Variants in ARHGEF25 observed in about 807,000 individuals in gnomAD.
ARHGEF25 encodes Rho guanine nucleotide exchange factor 25.
In ARHGEF25, 42 loss-of-function variants were observed where a neutral mutation model predicts 74.0. The observed-to-expected ratio is 0.57, with a 90% CI of 0.44 to 0.73. The LOEUF is 0.73. Among genes scored for constraint, ARHGEF25 ranks in the 30% least tolerant of loss-of-function variants. The pLI is 0.00. For synonymous variants in ARHGEF25, 293 were observed against 278.6 expected, an observed-to-expected ratio of 1.05 and a Z score of -0.51; for missense variants, 645 against 725.5, an observed-to-expected ratio of 0.89 and a Z score of 1.27.
At chr12:57,610,282 G>A (rs1001378807), upstream of ARHGEF25, 2 of 1,580,444 alleles carry the variant, frequency 1.3e-6, no homozygotes, top group African/African-American at 2.7e-5. Flanking sequence ...TGGGGGGCAT[G>A]CTGCGCGCAT....
At chr12:57,612,842 T>C in intron 1 of ARHGEF25, 88 bp from the exon 2 acceptor site, 1 of 1,534,620 alleles carries the variant, frequency 6.5e-7, no homozygotes, top group South Asian at 1.3e-5. Context: ...CTGAGCATCA[T>C]GAAGAGAAGA....
In ARHGEF25 at chr12:57,614,459, G is replaced by A; in HGVS notation, c.727-57G>A. 6.2e-7 allele frequency: 1 copy of A among 1,613,894 alleles called. No individual in the cohort carries two copies. The highest frequency in any genetic ancestry group is 8.5e-7 in the Non-Finnish European group (1 of 1,179,874). ...CTTAGGAATGGGCTGGGATTCTCTGGAGATGCGTCCTCCCTCCTTGCCCAC... is the reference window on the plus strand; with the variant it reads ...CTTAGGAATGGGCTGGGATTCTCTGAAGATGCGTCCTCCCTCCTTGCCCAC... On this transcript the variant is annotated intron_variant, in intron 7 of 14. Transcript: ENST00000286494. The surrounding 1 kb of genome is among the most constrained non-coding windows in gnomAD (Gnocchi z 4.6).
At position 57,613,058 on chromosome 12, in the gene ARHGEF25, A is replaced by T. The variant is rs781496619; in HGVS notation, c.226A>T (p.Ser76Cys). Residue 76 changes from serine (S) to cysteine (C), a missense_variant, in exon 2 of 15, where the codon AGT becomes TGT. Physicochemically the swap from Ser to Cys is moderately radical, Grantham distance 112. Around this residue, in one of 3 missense-constraint regions of ARHGEF25, gnomAD observed 189 missense variants for 199.1 expected, o/e 0.95. Coordinates refer to ENST00000286494, the MANE Select transcript of ARHGEF25 (RefSeq NM_182947.4). Reference protein sequence around the residue: ...PCSPGPPGPVSGLRRWLDHSK... With the variant: ...PCSPGPPGPVCGLRRWLDHSK... ...TTCCCCAGGCCCCCCAGGGCCCGTC[A>T]GTGGCCTGAGGAGATGGTTGGATCA... 1 of 1,614,126 alleles carries T rather than the reference A, an allele frequency of 6.2e-7. No homozygotes were observed. The highest frequency in any genetic ancestry group is 2.2e-5 in the East Asian group (1 of 44,882).
chr12:57,616,346 A>G lies in ARHGEF25; in HGVS notation c.1483A>G (p.Arg495Gly). Residue 495 changes from arginine to glycine, a missense_variant, in exon 14 of 15, where the codon AGA (arginine) becomes GGA (glycine). Physicochemically the swap from Arg to Gly is moderately radical, Grantham distance 125 (BLOSUM62 -2). Coordinates refer to ENST00000286494, the MANE Select transcript of ARHGEF25 (RefSeq NM_182947.4). ...ESQTNSLGRPRGPGVGSPGRI... is the reference protein window; with the variant it reads ...ESQTNSLGRPGGPGVGSPGRI... ...CCAGACCAACAGCCTGGGGCGGCCAAGAGGGCCTGGAGTGGGGAGCCCTGG... is the reference window on the plus strand; with the variant it reads ...CCAGACCAACAGCCTGGGGCGGCCAGGAGGGCCTGGAGTGGGGAGCCCTGG... 2 of 1,614,048 alleles carry G rather than the reference A, an allele frequency of 1.2e-6. No homozygotes were observed. The highest frequency in any genetic ancestry group is 1.7e-6 in the Non-Finnish European group (2 of 1,180,000).
At chr12:57,615,393 G>C in intron 11 of ARHGEF25, 79 bp downstream of exon 11, 1 of 1,581,732 alleles carries the variant, frequency 6.3e-7, no homozygotes, top group Non-Finnish European at 8.6e-7. Context: ...CTTATGGGGA[G>C]TTGTCTTCTC....
chr12:57,611,171 T>A (rs928729536), upstream of ARHGEF25, among the ~76,000 whole-genome samples: 3 of 152,172 alleles, frequency 2.0e-5, no homozygotes, highest in Non-Finnish European at 4.4e-5. This position sits in a 1 kb window ranked among gnomAD's most constrained non-coding sequence, Gnocchi z 4.5. Flanking sequence ...AGGGGAGACC[T>A]GGGCAGACCC....
intron 4 of ARHGEF25, 34 bp from the exon 5 acceptor site, chr12:57,613,660 C>G: frequency 6.2e-7 from 1 of 1,613,060 alleles, no homozygotes; most frequent in Non-Finnish European, 8.5e-7. Context: ...AGCTCCGACG[C>G]TGAAGTGGGG....
chr12:57,614,539 G>A lies in ARHGEF25; in HGVS notation c.750G>A (p.Val250=), dbSNP rs755232279. ...IKHERRLHMY[V]VYCQNKPKSE... ...AGGAGCGCCGGCTGCATATGTATGT[G>A]GTGTACTGTCAGAATAAGCCCAAGT... Residue 250 remains valine (V), a synonymous_variant, in exon 8 of 15, where the codon GTG becomes GTA. Transcript: ENST00000286494. The surrounding 1 kb of genome is among the most constrained non-coding windows in gnomAD (Gnocchi z 4.6). 8.1e-6 allele frequency: 13 copies of A among 1,613,974 alleles called. No individual in the cohort carries two copies. Among genetic ancestry groups the A allele is most frequent in the Non-Finnish European group, 1.1e-5 (13 of 1,180,016 alleles).
At chr12:57,610,435 C>A (rs1418035799), upstream of ARHGEF25, 3 of 1,074,972 alleles carry the variant, frequency 2.8e-6, no homozygotes, top group East Asian at 8.0e-5. Context: ...TACATGAATT[C>A]TATTACGAGG....
In ARHGEF25 at chr12:57,613,312, C is replaced by T; in HGVS notation, c.361C>T (p.Leu121=). Reference sequence around the variant, plus strand: ...AGCCACAGGAGAGGAGCTGCCGGAACTGACCTTGCTGACCACACTGTTGGA... The same window carrying T: ...AGCCACAGGAGAGGAGCTGCCGGAATTGACCTTGCTGACCACACTGTTGGA... ...ALATGEELPE[L]TLLTTLLEGP... The change falls in exon 3 of 15, where the codon CTG becomes TTG. Residue 121 remains leucine (L), a synonymous_variant. Coordinates refer to ENST00000286494, the MANE Select transcript of ARHGEF25 (RefSeq NM_182947.4). 6.2e-7 allele frequency: 1 copy of T among 1,614,262 alleles called. No homozygotes were observed. Among genetic ancestry groups the T allele is most frequent in the Non-Finnish European group, 8.5e-7 (1 of 1,180,044 alleles).
chr12:57,610,508 G>C, upstream of ARHGEF25: 1 of 1,401,808 alleles, frequency 7.1e-7, no homozygotes, highest in Non-Finnish European at 9.8e-7. Flanking sequence ...TAGGAGAAGG[G>C]GAAGGGGGAG....
chr12:57,616,034 T>C lies in ARHGEF25; in HGVS notation c.1420+17T>C, dbSNP rs922883143. On this transcript the variant is annotated intron_variant, in intron 13 of 14. Coordinates refer to ENST00000286494, the MANE Select transcript of ARHGEF25 (RefSeq NM_182947.4). ...TCCTCAACGGTGAAGCTCTCATCCT[T>C]TCTTCCCGATGTGCTCTCTCAGCCC... is the stretch of plus-strand genomic sequence containing the variant. 2.5e-6 allele frequency: 4 copies of C among 1,603,170 alleles called. No homozygotes were observed. In the African/African-American group the frequency reaches 4.0e-5, roughly 16 times the overall value.
At position 57,616,358 on chromosome 12, in the gene ARHGEF25, G is replaced by T. The variant is rs949857766; in HGVS notation, c.1495G>T (p.Val499Leu). The T allele has an allele frequency of 4.3e-6, 7 of 1,614,118 alleles. No individual in the cohort carries two copies. In the South Asian group the frequency reaches 5.5e-5, roughly 13 times the overall value. Residue 499 changes from valine to leucine, a missense_variant, in exon 14 of 15, where the codon GTG (valine) becomes TTG (leucine). Around this residue, in one of 3 missense-constraint regions of ARHGEF25, gnomAD observed 262 missense variants for 256.9 expected, o/e 1.02. Coordinates refer to ENST00000286494, the MANE Select transcript of ARHGEF25 (RefSeq NM_182947.4). ...CCTGGGGCGGCCAAGAGGGCCTGGA[G>T]TGGGGAGCCCTGGAAGAATTCAGCT... is the stretch of plus-strand genomic sequence containing the variant. ...NSLGRPRGPG[V>L]GSPGRIQLGD...
At chr12:57,612,751 C>T in intron 1 of ARHGEF25, 179 bp from the exon 2 acceptor site, 1 of 1,478,492 alleles carries the variant, frequency 6.8e-7, no homozygotes, top group Non-Finnish European at 8.9e-7. Flanking sequence ...TGTGCTTTCT[C>T]CCAGGGGTGC....
chr12:57,610,408 C>G, upstream of ARHGEF25: 2 of 1,127,152 alleles, frequency 1.8e-6, no homozygotes, highest in Middle Eastern at 4.2e-4. Context: ...ACGAGTTCTG[C>G]GGGGCAGTCG....
rs745766064 is a variant in ARHGEF25 at position 57,615,479 on chromosome 12, C to T, written c.1039-33C>T. 2.5e-6 allele frequency: 4 copies of T among 1,612,882 alleles called. No individual in the cohort carries two copies. The East Asian group carries it at 8.9e-5, about 36-fold the overall frequency. ...GCAGAGAATTGTCCTTTTTCTTGTT[C>T]TTTTTCCAAGGCCACTATCCTTTTG... On this transcript the variant is annotated intron_variant, in intron 11 of 14. Coordinates refer to ENST00000286494, the MANE Select transcript of ARHGEF25 (RefSeq NM_182947.4).
chr12:57,615,537 T>C lies in ARHGEF25; in HGVS notation c.1064T>C (p.Leu355Pro), dbSNP rs1025223101. 5 of 1,614,122 alleles carry C rather than the reference T, an allele frequency of 3.1e-6. No homozygotes were observed. The highest frequency in any genetic ancestry group is 4.2e-6 in the Non-Finnish European group (5 of 1,180,016). The change falls in exon 12 of 15, where the codon CTC (leucine) becomes CCC (proline). Residue 355 changes from leucine to proline, a missense_variant. By Grantham distance (98) the Leu-to-Pro change is moderately conservative. Coordinates refer to ENST00000286494, the MANE Select transcript of ARHGEF25 (RefSeq NM_182947.4). ...GGCAAACTGACTGCTCAGGGGAAGC[T>C]CTTGGGCCAGGACACTTTCTGGGTC... ...FEGKLTAQGK[L>P]LGQDTFWVTE...
intron 5 of ARHGEF25, 102 bp downstream of exon 5, chr12:57,613,862 GC>G: frequency 6.6e-7 from 1 of 1,513,238 alleles, no homozygotes; most frequent in Non-Finnish European, 9.1e-7. Context: ...CACCTCTCAA[GC>G]CTCCCCACTC....
Position 57,616,411 on chromosome 12 carries a change from C to A in ARHGEF25, c.1548C>A (p.His516Gln). ...QLGDQAQGST[H>Q]TPINGSLPSL... is the part of the protein sequence containing the mutation. ...GAGATCAGGCCCAGGGCAGCACACA[C>A]ACACCCATCAATGGCTCTCTCCCCT... The change falls in exon 14 of 15, where the codon CAC becomes CAA. Residue 516 changes from histidine (H) to glutamine (Q), a missense_variant. Physicochemically the swap from His to Gln is conservative, Grantham distance 24. This residue lies in a region of ARHGEF25 where 262 missense variants were observed against 256.9 expected (regional missense o/e 1.02). Coordinates refer to ENST00000286494, the MANE Select transcript of ARHGEF25 (RefSeq NM_182947.4). 6.2e-7 allele frequency: 1 copy of A among 1,614,184 alleles called. No individual in the cohort carries two copies. Among genetic ancestry groups the A allele is most frequent in the South Asian group, 1.1e-5 (1 of 91,082 alleles).
Sources: gnomAD v4.1 joint callset for allele counts (sites outside exome capture counted in the v4.1 genomes callset) on GRCh38, gnomAD v4.1.1 for gene constraint, gnomAD v4.1.1 regional missense constraint, Gnocchi (gnomAD v3.1) non-coding constraint, MANE v1.5 for transcripts, NCBI Gene and HGNC (gene_info 2026-07-23, HGNC 2026-07-21) for gene names.